Variants in SPTLC2 observed in about 807,000 individuals in gnomAD.
SPTLC2 encodes the protein serine palmitoyltransferase long chain base subunit 2.
In SPTLC2, 21 loss-of-function variants were observed where a neutral mutation model predicts 62.0. The ratio of observed to expected loss-of-function variants is 0.34; its 90% confidence interval spans 0.24 to 0.49. The LOEUF is 0.49. Ranked by LOEUF, SPTLC2 falls within the 20% of genes least tolerant of loss-of-function variation. SPTLC2 has a pLI of 0.99. For missense variants in SPTLC2, 511 were observed against 713.0 expected (o/e 0.72, Z 3.23); for synonymous variants, 261 against 261.8 (o/e 1.00, Z 0.03).
rs565605118 is a variant in SPTLC2 at position 77,606,286 on chromosome 14, C to T, written c.133-8906G>A. Among the ~76,000 whole-genome samples the T allele has an allele frequency of 1.6e-3, 245 of 152,312 alleles. 1 individual carries two copies. Among genetic ancestry groups the T allele is most frequent in the African/African-American group, 5.6e-3 (232 of 41,566 alleles). ...CAAAGGTTGCAGTGAGCCAAAACCG[C>T]GTGCCACTGCACTCCAGCCTGGGCA... On this transcript the variant is annotated intron_variant, in intron 1 of 11. Transcript: ENST00000216484.
Position 77,601,456 on chromosome 14 carries a change from T to C in SPTLC2, c.133-4076A>G, listed in dbSNP as rs989997666. ...AAAACCTATAAGAACTAATGATAAT[T>C]CCCGCCCTTTGCTGACTCCTTTTTT... is the stretch of plus-strand genomic sequence containing the variant. On this transcript the variant is annotated intron_variant, in intron 1 of 11. Transcript: ENST00000216484. Among the ~76,000 whole-genome samples the C allele has an allele frequency of 2.0e-5, 3 of 152,290 alleles. No individual in the cohort carries two copies. In the South Asian group the frequency reaches 6.2e-4, roughly 32 times the overall value.
intron 8 of SPTLC2, 47 bp from the exon 9 acceptor site, chr14:77,552,269 A>G: frequency 6.2e-7 from 1 of 1,610,520 alleles, no homozygotes; most frequent in Non-Finnish European, 8.5e-7. Flanking sequence ...TCTTGCATTC[A>G]CCGGCAATGT....
chr14:77,579,830 CACTTA>C (rs2079738007), intron 2 of SPTLC2, among the ~76,000 whole-genome samples: 1 of 152,156 alleles, frequency 6.6e-6, no homozygotes, highest in African/African-American at 2.4e-5. Flanking sequence ...AGATAAAAGT[CACTTA>C]ACTTTAATAG....
At chr14:77,515,542 C>CTTTTTTTTTTTTTTTTTT (rs71128633) in intron 11 of SPTLC2, among the ~76,000 whole-genome samples, 1 of 124,716 alleles carries the variant, frequency 8.0e-6, no homozygotes. Context: ...AAGGGAAAGG[C>CTTTTTTTTTTTTTTTTTT]TTTTTTTTTT....
Position 77,616,381 on chromosome 14 carries a change from C to T in SPTLC2, c.132+67G>A, listed in dbSNP as rs1042312871. The T allele has an allele frequency of 2.1e-5, 22 of 1,054,548 alleles. No homozygotes were observed. The Admixed American group carries it at 2.7e-4, about 13-fold the overall frequency. The allele number at this position is 1,054,548 out of a possible 1,614,324, so 65.3% of individuals were successfully genotyped here. A position where few individuals can be genotyped will look rare whatever the true frequency, so the allele number is the denominator to read the frequency against. On this transcript the variant is annotated intron_variant, in intron 1 of 11. Coordinates refer to ENST00000216484, the MANE Select transcript of SPTLC2 (RefSeq NM_004863.4). ...CCCAGCGGATGGCCCGGAGACCTCG[C>T]CCCGCCCGGCCGCCCCTCCGCCAGT...
chr14:77,594,702 C>T (rs1175617125), intron 2 of SPTLC2, among the ~76,000 whole-genome samples: 1 of 152,200 alleles, frequency 6.6e-6, no homozygotes, highest in Admixed American at 6.5e-5. Flanking sequence ...TTCTCCCAAA[C>T]ATTCTTCATG....
chr14:77,517,630 A>C lies in SPTLC2; in HGVS notation c.1569+408T>G, dbSNP rs575569048. On this transcript the variant is annotated intron_variant, in intron 11 of 11. Coordinates refer to ENST00000216484, the MANE Select transcript of SPTLC2 (RefSeq NM_004863.4). ...CAGGATTCCAAGGGAACACAGAGCA[A>C]GAAGGTGTGGGGCGCCCCTGAGCAA... 7.9e-5 allele frequency among the ~76,000 whole-genome samples: 12 copies of C among 152,332 alleles called. 1 individual carries two copies. The South Asian group carries it at 2.5e-3, about 32-fold the overall frequency.
chr14:77,615,968 G>C (rs1408907158), intron 1 of SPTLC2, among the ~76,000 whole-genome samples: 2 of 152,168 alleles, frequency 1.3e-5, no homozygotes, highest in Non-Finnish European at 2.9e-5. Flanking sequence ...GAGAGGCTGG[G>C]TGTGTTTCCA....
chr14:77,596,587 A>C (rs1334979058), intron 2 of SPTLC2, among the ~76,000 whole-genome samples: 1 of 151,462 alleles, frequency 6.6e-6, no homozygotes, highest in Non-Finnish European at 1.5e-5. Flanking sequence ...TGAATGAAGA[A>C]GCCCTCTTCC....
intron 4 of SPTLC2, among the ~76,000 whole-genome samples, chr14:77,576,454 G>A (rs1473148323): frequency 6.6e-6 from 1 of 152,060 alleles, no homozygotes; most frequent in African/African-American, 2.4e-5. Context: ...CCTAATAAGT[G>A]GCACTCTTAA....
At chr14:77,583,806 T>C (rs2079766648) in intron 2 of SPTLC2, among the ~76,000 whole-genome samples, 1 of 152,124 alleles carries the variant, frequency 6.6e-6, no homozygotes, top group South Asian at 2.1e-4. Flanking sequence ...ATAAGTACTA[T>C]AAAAGAGTGT....
chr14:77,593,769 G>C (rs1482188920), intron 2 of SPTLC2, among the ~76,000 whole-genome samples: 1 of 152,200 alleles, frequency 6.6e-6, no homozygotes, highest in Non-Finnish European at 1.5e-5. Context: ...TCAGTGAAAT[G>C]AGGAAGTAGC....
chr14:77,589,029 A>G (rs1232107998), intron 2 of SPTLC2, among the ~76,000 whole-genome samples: 1 of 114,030 alleles, frequency 8.8e-6, no homozygotes, highest in Non-Finnish European at 1.8e-5. Flanking sequence ...AAAAAAAAAA[A>G]CACACAAAGA....
chr14:77,546,493 G>T (rs1177975237), intron 9 of SPTLC2, among the ~76,000 whole-genome samples: 1 of 152,198 alleles, frequency 6.6e-6, no homozygotes, highest in Non-Finnish European at 1.5e-5. Context: ...GAGTGGGAGT[G>T]AGTGAAGGAG....
At chr14:77,558,051 CTTTT>C (rs34550215) in intron 6 of SPTLC2, among the ~76,000 whole-genome samples, 1 of 144,778 alleles carries the variant, frequency 6.9e-6, no homozygotes, top group Non-Finnish European at 1.5e-5. Flanking sequence ...ATCATAAAAT[CTTTT>C]TTTTTTTTTT....
At position 77,588,627 on chromosome 14, in the gene SPTLC2, C is replaced by T. The variant is rs117034505; in HGVS notation, c.327+8559G>A. ...GGGAGAATCACTGGAGCGTGGGAGG[C>T]AAAGGTTGCAGCGAGCTGAGATTGT... is the stretch of plus-strand genomic sequence containing the variant. On this transcript the variant is annotated intron_variant, in intron 2 of 11. Transcript: ENST00000216484. 7.1e-3 allele frequency among the ~76,000 whole-genome samples: 1,073 copies of T among 151,166 alleles called. 8 individuals carry two copies. Among genetic ancestry groups the T allele is most frequent in the Non-Finnish European group, 0.012 (830 of 67,842 alleles).
chr14:77,613,241 T>C (rs2079947437), intron 1 of SPTLC2, among the ~76,000 whole-genome samples: 1 of 152,182 alleles, frequency 6.6e-6, no homozygotes, highest in Admixed American at 6.5e-5. Context: ...AGTACAGAAT[T>C]TTCTATCAAG....
chr14:77,580,337 C>T (rs1272942805), intron 2 of SPTLC2, among the ~76,000 whole-genome samples: 1 of 151,538 alleles, frequency 6.6e-6, no homozygotes, highest in Non-Finnish European at 1.5e-5. Context: ...CAAAAATTAG[C>T]TGGGCATGGT....
intron 9 of SPTLC2, among the ~76,000 whole-genome samples, chr14:77,523,608 A>G (rs2142185): frequency 0.029 from 4,489 of 152,322 alleles, 206 homozygotes; most frequent in African/African-American, 0.092. Context: ...AGAAAGCAAT[A>G]GGCCAAACAA....
Sources: allele counts gnomAD v4.1 joint callset (sites outside exome capture counted in the v4.1 genomes callset), GRCh38; gene constraint gnomAD v4.1.1; transcripts MANE v1.5; gene names NCBI Gene and HGNC (gene_info 2026-07-23, HGNC 2026-07-21).